The following WDFY4 variants were observed in gnomAD, a reference collection of about 807,000 sequenced individuals.
WDFY4 encodes the protein WD repeat- and FYVE domain-containing protein 4.
A neutral mutation model predicts 351.9 loss-of-function variants in WDFY4; 169 were observed. The ratio of observed to expected loss-of-function variants is 0.48; its 90% CI spans 0.42 to 0.55. WDFY4 has a LOEUF of 0.55. Ranked by LOEUF, WDFY4 falls within the 20% of genes least tolerant of loss-of-function variation. The pLI, the probability that WDFY4 is intolerant of heterozygous loss-of-function variation, is 0.00. For synonymous variants in WDFY4, 1,622 were observed against 1,574.6 expected (o/e 1.03, Z -0.71); for missense variants, 3,803 against 3,935.6 (o/e 0.97, Z 0.90).
chr10:48,840,998 T>A (rs2068585612), intron 39 of WDFY4, among the ~76,000 whole-genome samples: 1 of 152,226 alleles, frequency 6.6e-6, no homozygotes, highest in East Asian at 1.9e-4. Flanking sequence ...CAGAGCACCG[T>A]GAAGTTGACA....
chr10:48,833,168 T>A (rs200969056), intron 39 of WDFY4, among the ~76,000 whole-genome samples: 229 of 106,894 alleles, frequency 2.1e-3, no homozygotes, highest in East Asian at 5.1e-3. Flanking sequence ...TGTGTGTGTG[T>A]GTGTGAGAGA....
chr10:48,892,389 T>C (rs17836512), intron 44 of WDFY4, among the ~76,000 whole-genome samples: 6,261 of 152,330 alleles, frequency 0.041, 207 homozygotes, highest in East Asian at 0.13. Flanking sequence ...AGACTTCTCA[T>C]GTCTGAAAAT....
In WDFY4 at chr10:48,963,892, T is replaced by A; in HGVS notation, c.8274T>A (p.Leu2758=). 6.4e-7 allele frequency: 1 copy of A among 1,551,600 alleles called. No homozygotes were observed. Among genetic ancestry groups the A allele is most frequent in the Non-Finnish European group, 8.7e-7 (1 of 1,146,990 alleles). ...CCAACCTCCACCATTGGATAGACCT[T>A]ATTTTTGGGTACAAGCAGCAGGGGC... ...VSANLHHWID[L]IFGYKQQGPA... Residue 2758 remains leucine (L), a synonymous_variant, in exon 54 of 62, where the codon CTT becomes CTA. Coordinates refer to ENST00000325239, the MANE Select transcript of WDFY4 (RefSeq NM_001394531.1).
intron 47 of WDFY4, among the ~76,000 whole-genome samples, chr10:48,905,696 A>T (rs1244317522): frequency 6.6e-6 from 1 of 152,230 alleles, no homozygotes; most frequent in Non-Finnish European, 1.5e-5. Flanking sequence ...CAAAATGCGG[A>T]CACCCCGCAG....
intron 12 of WDFY4, chr10:48,745,608 C>T: frequency 1.9e-6 from 1 of 529,986 alleles, no homozygotes; most frequent in Non-Finnish European, 3.6e-6. Context: ...TGGCCTGTTT[C>T]TGCAGCCTTA....
chr10:48,844,219 T>C (rs561481107), intron 39 of WDFY4, among the ~76,000 whole-genome samples: 12 of 152,218 alleles, frequency 7.9e-5, no homozygotes, highest in Non-Finnish European at 1.5e-4. Flanking sequence ...TGGGGGTTGA[T>C]GTAAACTTGG....
intron 47 of WDFY4, among the ~76,000 whole-genome samples, chr10:48,904,457 G>T (rs1837514354): frequency 6.6e-6 from 1 of 152,206 alleles, no homozygotes; most frequent in Admixed American, 6.5e-5. Flanking sequence ...GCAAAAAAGA[G>T]GATTCATGAT....
intron 13 of WDFY4, among the ~76,000 whole-genome samples, chr10:48,761,675 G>A (rs571064049): frequency 6.6e-6 from 1 of 152,336 alleles, no homozygotes; most frequent in South Asian, 2.1e-4. Context: ...ACAAGACGAA[G>A]TTGGAGTCAG....
chr10:48,954,523 A>G (rs890826747), intron 51 of WDFY4, among the ~76,000 whole-genome samples: 1 of 152,180 alleles, frequency 6.6e-6, no homozygotes, highest in Non-Finnish European at 1.5e-5. Flanking sequence ...CCTTAGATAG[A>G]CACTCTGTAA....
Position 48,774,735 on chromosome 10 carries a change from G to C in WDFY4, c.2768+63G>C, listed in dbSNP as rs1452927817. On this transcript the variant is annotated intron_variant, in intron 14 of 61. Transcript: ENST00000325239. Reference sequence around the variant, plus strand: ...CAGCCATGTCCTTTGCAGGGCAGGGGTTGCACAATGGGCAGTGGAGAGACT... The same window carrying C: ...CAGCCATGTCCTTTGCAGGGCAGGGCTTGCACAATGGGCAGTGGAGAGACT... 11 of 1,531,946 alleles carry C rather than the reference G, an allele frequency of 7.2e-6. No individual in the cohort carries two copies. The South Asian group carries it at 1.3e-4, about 18-fold the overall frequency. The allele number at this position is 1,531,946 out of a possible 1,614,324, so 94.9% of individuals were successfully genotyped here. A position where few individuals can be genotyped will look rare whatever the true frequency, so the allele number is the denominator to read the frequency against.
At chr10:48,913,433 G>C (rs779872020) in intron 47 of WDFY4, 2 of 1,613,160 alleles carry the variant, frequency 1.2e-6, no homozygotes, top group Non-Finnish European at 1.7e-6. Flanking sequence ...AATTGGGTGA[G>C]ATCAGATTGG....
intron 36 of WDFY4, 50 bp downstream of exon 36, chr10:48,826,959 G>A (rs777984763): frequency 5.0e-5 from 74 of 1,465,526 alleles, no homozygotes; most frequent in Non-Finnish European, 6.8e-5. Flanking sequence ...CATGCAGAAA[G>A]GAGAGATTTA....
chr10:48,972,006 T>A (rs995266129), intron 57 of WDFY4, among the ~76,000 whole-genome samples: 14 of 152,182 alleles, frequency 9.2e-5, no homozygotes, highest in Non-Finnish European at 1.8e-4. Flanking sequence ...TTTTCTATCA[T>A]CCTCTGAGTT....
chr10:48,721,134 G>A (rs898092822), intron 3 of WDFY4, 127 bp from the exon 4 acceptor site: 3 of 818,926 alleles, frequency 3.7e-6, no homozygotes, highest in Non-Finnish European at 6.0e-6. Context: ...CCTTGGGGAT[G>A]TGTAGGCAAG....
At chr10:48,954,296 T>A (rs1841484106) in intron 51 of WDFY4, among the ~76,000 whole-genome samples, 1 of 152,258 alleles carries the variant, frequency 6.6e-6, no homozygotes, top group African/African-American at 2.4e-5. Context: ...CTGGCCTAAA[T>A]GTCACATGGG....
At chr10:48,862,900 T>A (rs946555964) in intron 39 of WDFY4, among the ~76,000 whole-genome samples, 1 of 152,224 alleles carries the variant, frequency 6.6e-6, no homozygotes, top group African/African-American at 2.4e-5. Context: ...TCCTAAGCAA[T>A]CACTAATATA....
chr10:48,770,533 C>G (rs2065828979), intron 13 of WDFY4, among the ~76,000 whole-genome samples: 1 of 152,108 alleles, frequency 6.6e-6, no homozygotes, highest in African/African-American at 2.4e-5. Context: ...TAAAATAATC[C>G]AAGTTTTGGG....
At chr10:48,696,311 C>T (rs1458768244) in intron 1 of WDFY4, among the ~76,000 whole-genome samples, 2 of 152,266 alleles carry the variant, frequency 1.3e-5, no homozygotes, top group African/African-American at 4.8e-5. Flanking sequence ...CATGCAGGGC[C>T]CACAGGGAAC....
At chr10:48,845,677 A>T (rs1441073364) in intron 39 of WDFY4, among the ~76,000 whole-genome samples, 2 of 152,118 alleles carry the variant, frequency 1.3e-5, no homozygotes, top group Non-Finnish European at 2.9e-5. Context: ...TCTTAATTTT[A>T]TGTATTTATT....
Sources: gnomAD v4.1 joint callset for allele counts (sites outside exome capture counted in the v4.1 genomes callset) on GRCh38, gnomAD v4.1.1 for gene constraint, MANE v1.5 for transcripts, NCBI Gene and HGNC (gene_info 2026-07-23, HGNC 2026-07-21) for gene names.